Variants in PPP1R7 observed in about 807,000 individuals in gnomAD.
The protein encoded by PPP1R7 is protein phosphatase 1 regulatory subunit 22.
In PPP1R7, 18 loss-of-function variants were observed where a neutral mutation model predicts 45.2. The observed-to-expected ratio is 0.40, with a 90% CI of 0.28 to 0.59. PPP1R7 has a LOEUF of 0.59. Among genes scored for constraint, PPP1R7 ranks in the 20% least tolerant of loss-of-function variants. The pLI is 0.46. For missense variants in PPP1R7, 314 were observed against 455.8 expected (o/e 0.69, Z 2.83); for synonymous variants, 181 against 183.4 (o/e 0.99, Z 0.11).
chr2:241,150,139 G>A (rs1415921688), upstream of PPP1R7: 5 of 1,272,706 alleles, frequency 3.9e-6, no homozygotes, highest in South Asian at 6.5e-5. Flanking sequence ...GGTCGAGACA[G>A]TGACATAAGT....
In PPP1R7 at chr2:241,159,218, C is replaced by G. The variant is rs752077933; in HGVS notation, c.309C>G (p.Leu103=). The G allele has an allele frequency of 6.2e-7, 1 of 1,613,418 alleles. No individual in the cohort carries two copies. Residue 103 remains leucine (L), a synonymous_variant, in exon 5 of 10, where the codon CTC becomes CTG. Transcript: ENST00000234038. ...GFEVLKKVKT[L]CLRQNLIKCI... Reference sequence around the variant, plus strand: ...TCCCTTTTCCCATCCCCCAGACTCTCTGCCTCCGCCAAAATTTAATTAAAT... The same window carrying G: ...TCCCTTTTCCCATCCCCCAGACTCTGTGCCTCCGCCAAAATTTAATTAAAT...
upstream of PPP1R7, chr2:241,149,999 T>C: frequency 2.8e-6 from 4 of 1,407,990 alleles, no homozygotes; most frequent in Non-Finnish European, 3.7e-6. Context: ...ATGTTGTTGC[T>C]CTTGCCGTTC....
At chr2:241,151,157 T>A (rs1255476045) in intron 1 of PPP1R7, among the ~76,000 whole-genome samples, 2 of 152,226 alleles carry the variant, frequency 1.3e-5, no homozygotes, top group Non-Finnish European at 2.9e-5. Context: ...TACGTACACA[T>A]GTGTTTATAA....
intron 9 of PPP1R7, among the ~76,000 whole-genome samples, chr2:241,181,066 C>T (rs2067995223): frequency 1.3e-5 from 2 of 152,094 alleles, no homozygotes; most frequent in South Asian, 4.1e-4. Context: ...AGCATGATGG[C>T]GAGTGCCTGT....
intron 9 of PPP1R7, among the ~76,000 whole-genome samples, chr2:241,171,309 G>A (rs933031771): frequency 1.3e-5 from 2 of 152,142 alleles, no homozygotes; most frequent in African/African-American, 4.8e-5. Context: ...TGTTCCTTAG[G>A]CCACCAAAGA....
At chr2:241,156,226 A>G (rs2067453719) in intron 2 of PPP1R7, among the ~76,000 whole-genome samples, 1 of 152,258 alleles carries the variant, frequency 6.6e-6, no homozygotes, top group Non-Finnish European at 1.5e-5. Flanking sequence ...CAGCACTGAC[A>G]GCCCTGTAAG....
chr2:241,155,813 T>C (rs992525256), intron 2 of PPP1R7, among the ~76,000 whole-genome samples: 3 of 152,226 alleles, frequency 2.0e-5, no homozygotes, highest in African/African-American at 4.8e-5. Flanking sequence ...GCCTTAATTG[T>C]AGCACCTCTT....
At chr2:241,162,848 A>C (rs1234654556) in intron 6 of PPP1R7, among the ~76,000 whole-genome samples, 2 of 151,902 alleles carry the variant, frequency 1.3e-5, no homozygotes, top group Non-Finnish European at 2.9e-5. Context: ...ACGCCCAGCT[A>C]ATTTTTTTGT....
At chr2:241,177,507 T>C (rs2149071060) in intron 9 of PPP1R7, among the ~76,000 whole-genome samples, 1 of 152,354 alleles carries the variant, frequency 6.6e-6, no homozygotes, top group Non-Finnish European at 1.5e-5. Context: ...ATAAAGCGTA[T>C]GTATTTTGCA....
chr2:241,160,408 T>C lies in PPP1R7; in HGVS notation c.511T>C (p.Leu171=). 1 of 1,613,372 alleles carries C rather than the reference T, an allele frequency of 6.2e-7. No individual in the cohort carries two copies. The highest frequency in any genetic ancestry group is 1.3e-5 in the African/African-American group (1 of 74,992). The change falls in exon 6 of 10, where the codon TTG becomes CTG. Residue 171 remains leucine (L), a synonymous_variant. Coordinates refer to ENST00000234038, the MANE Select transcript of PPP1R7 (RefSeq NM_002712.3). ...DKLTRLKKLF[L]VNNKISKIEN... ...GTTGACACGACTGAAAAAACTCTTC[T>C]TGGTCAACAATAAAATCAGTAAAAT...
In PPP1R7 at chr2:241,159,209, C is replaced by A. The variant is rs1226902381; in HGVS notation, c.304-4C>A. The A allele has an allele frequency of 6.2e-7, 1 of 1,612,894 alleles. No homozygotes were observed. The highest frequency in any genetic ancestry group is 8.5e-7 in the Non-Finnish European group (1 of 1,179,310). On this transcript the variant is annotated splice_polypyrimidine_tract_variant and splice_region_variant and intron_variant, in intron 4 of 9. Transcript: ENST00000234038. ...TGTCAATTGTCCCTTTTCCCATCCC[C>A]CAGACTCTCTGCCTCCGCCAAAATT... is the stretch of plus-strand genomic sequence containing the variant.
rs377326192 is a variant in PPP1R7 at position 241,150,477 on chromosome 2, A to C, written c.-19A>C. 1.3e-6 allele frequency: 2 copies of C among 1,590,756 alleles called. No individual in the cohort carries two copies. On this transcript the variant is annotated 5_prime_UTR_variant, in exon 1 of 10. Transcript: ENST00000234038. The stretch of plus-strand genomic sequence containing the variant: ...GGGGTCTGAGGCGACAGATTCCGGA[A>C]AGGGGAAGAGCAGCCAACATGGCGG...
At chr2:241,149,824 C>T (rs1056210317), upstream of PPP1R7, 4 of 1,526,274 alleles carry the variant, frequency 2.6e-6, no homozygotes, top group Admixed American at 4.0e-5. Context: ...AGCGTCCGCA[C>T]TGGGCTGGGA....
At chr2:241,150,638 G>A (rs1210576689) in intron 1 of PPP1R7, 91 bp downstream of exon 1, 4 of 1,371,102 alleles carry the variant, frequency 2.9e-6, no homozygotes, top group Middle Eastern at 2.7e-4. Flanking sequence ...GAAACTCCAC[G>A]TCCTGCCTCT....
At position 241,166,429 on chromosome 2, in the gene PPP1R7, C is replaced by T. The variant is rs779471308; in HGVS notation, c.807C>T (p.Gly269=). ...ACAATGGCATCGAGGTCATCGAGGG[C>T]CTGGAGAACAATGTAAGACACCCAC... ...LSHNGIEVIE[G]LENNNKLTML... Residue 269 remains glycine (G), a synonymous_variant, in exon 8 of 10, where the codon GGC becomes GGT. Transcript: ENST00000234038. 1 of 1,613,630 alleles carries T rather than the reference C, an allele frequency of 6.2e-7. No homozygotes were observed. The highest frequency in any genetic ancestry group is 8.5e-7 in the Non-Finnish European group (1 of 1,179,728).
intron 6 of PPP1R7, among the ~76,000 whole-genome samples, chr2:241,162,587 C>T (rs2067618571): frequency 6.6e-6 from 1 of 152,042 alleles, no homozygotes; most frequent in Non-Finnish European, 1.5e-5. Context: ...TGTGAGGGCC[C>T]CCCAGGAATC....
At chr2:241,181,757 T>C (rs2068010827) in intron 9 of PPP1R7, among the ~76,000 whole-genome samples, 2 of 152,204 alleles carry the variant, frequency 1.3e-5, no homozygotes, top group Non-Finnish European at 2.9e-5. Flanking sequence ...CGAGTGCCCC[T>C]GCCTGTGCCC....
Position 241,157,868 on chromosome 2 carries a change from G to A in PPP1R7, c.237+6G>A, listed in dbSNP as rs1559418500. 6.2e-7 allele frequency: 1 copy of A among 1,613,274 alleles called. No homozygotes were observed. The highest frequency in any genetic ancestry group is 1.3e-5 in the African/African-American group (1 of 75,036). ...ACCTGGACAGAGATGCAGAGGTAAT[G>A]CCGCCTGCTCAGCCCAGCCTTGGGC... is the stretch of plus-strand genomic sequence containing the variant. On this transcript the variant is annotated splice_donor_region_variant and intron_variant, in intron 3 of 9. Transcript: ENST00000234038.
At chr2:241,180,388 TAAAAAAAAAAA>T (rs58267372) in intron 9 of PPP1R7, among the ~76,000 whole-genome samples, 3 of 100,028 alleles carry the variant, frequency 3.0e-5, no homozygotes, top group Non-Finnish European at 5.6e-5. Flanking sequence ...GCTGGTGAGC[TAAAAAAAAAAA>T]AAAAAAAAAA....
Sources: allele counts gnomAD v4.1 joint callset (sites outside exome capture counted in the v4.1 genomes callset), GRCh38; gene constraint gnomAD v4.1.1; transcripts MANE v1.5; gene names NCBI Gene and HGNC (gene_info 2026-07-23, HGNC 2026-07-21).